Variants in NCAPD2 observed in about 807,000 individuals in gnomAD.
NCAPD2 encodes the protein non-SMC condensin I complex subunit D2.
Under a neutral mutation model 164.5 loss-of-function variants are expected in NCAPD2, and 100 were observed. That is an observed-to-expected ratio of 0.61 (90% CI 0.52 to 0.72). The LOEUF (loss-of-function observed/expected upper bound fraction) is 0.72, where lower values mean the gene tolerates loss of function less well. NCAPD2 is among the 30% of genes least tolerant of loss of function. The pLI, the probability that NCAPD2 is intolerant of heterozygous loss-of-function variation, is 0.00. For missense variants in NCAPD2, 1,560 were observed against 1,749.2 expected, an observed-to-expected ratio of 0.89 and a Z score of 1.93; for synonymous variants, 585 against 642.6, an observed-to-expected ratio of 0.91 and a Z score of 1.36.
rs539898238 is a variant in NCAPD2, at chr12:6,526,103, C to T, written c.2384C>T (p.Thr795Ile). 1.4e-5 allele frequency: 23 copies of T among 1,614,146 alleles called. No homozygotes were observed. In the East Asian group the frequency reaches 1.6e-4, roughly 11 times the overall value. ...KPEIVGSNLD[T>I]LVSIGLDEKF... Reference sequence around the variant, plus strand: ...GAAATTGTGGGAAGCAATTTAGACACACTGGTGAGCATAGGGCTGGATGAG... The same window carrying T: ...GAAATTGTGGGAAGCAATTTAGACATACTGGTGAGCATAGGGCTGGATGAG... The change falls in exon 19 of 32, where the codon ACA becomes ATA. Residue 795 changes from threonine to isoleucine, a missense_variant. Physicochemically the swap from Thr to Ile is moderately conservative, Grantham distance 89 (BLOSUM62 -1). Coordinates refer to ENST00000315579, the MANE Select transcript of NCAPD2 (RefSeq NM_014865.4).
At chr12:6,504,234 T>TATACACAC (rs1555137472) in intron 2 of NCAPD2, among the ~76,000 whole-genome samples, 1 of 108,236 alleles carries the variant, frequency 9.2e-6, no homozygotes, top group East Asian at 3.4e-4. Context: ...GATATATATA[T>TATACACAC]ATATATATAC....
chr12:6,529,502 C>T lies in NCAPD2; in HGVS notation c.3573-11C>T, dbSNP rs1358256497. On this transcript the variant is annotated splice_polypyrimidine_tract_variant and intron_variant, in intron 27 of 31. Transcript: ENST00000315579. Reference sequence around the variant, plus strand: ...TGGGCCATCGAACATCCTCATCTCCCCTTCCTGCAGACAGCTCCTCTCCTA... The same window carrying T: ...TGGGCCATCGAACATCCTCATCTCCTCTTCCTGCAGACAGCTCCTCTCCTA... 1 of 1,613,218 alleles carries T rather than the reference C, an allele frequency of 6.2e-7. No homozygotes were observed. The highest frequency in any genetic ancestry group is 8.5e-7 in the Non-Finnish European group (1 of 1,179,280).
In NCAPD2 at chr12:6,529,739, T is replaced by C. The variant is rs1301870627; in HGVS notation, c.3654-36T>C. 5 of 1,602,536 alleles carry C rather than the reference T, an allele frequency of 3.1e-6. No homozygotes were observed. In the East Asian group the frequency reaches 1.1e-4, roughly 36 times the overall value. ...GAAGGTTGAGCCTTTACTAGCTGGATCTCCCAGTTCCTCACAAAGCCCTTC... is the reference window on the plus strand; with the variant it reads ...GAAGGTTGAGCCTTTACTAGCTGGACCTCCCAGTTCCTCACAAAGCCCTTC... On this transcript the variant is annotated intron_variant, in intron 28 of 31. Transcript: ENST00000315579.
chr12:6,494,324 TAACA>T (rs1945955003), intron 1 of NCAPD2, among the ~76,000 whole-genome samples, 170 bp downstream of exon 1: 1 of 51,682 alleles, frequency 1.9e-5, no homozygotes, highest in Non-Finnish European at 3.9e-5. Context: ...GCAAATCGCT[TAACA>T]GATCCGCAAC....
At chr12:6,495,284 T>C in intron 2 of NCAPD2, 59 bp downstream of exon 2, 3 of 1,582,604 alleles carry the variant, frequency 1.9e-6, no homozygotes, top group Non-Finnish European at 2.6e-6. Context: ...TCACATGGAA[T>C]TGCTACATTG....
Position 6,526,461 on chromosome 12 carries a change from A to G in NCAPD2, c.2580A>G (p.Pro860=). 6.2e-7 allele frequency: 1 copy of G among 1,614,188 alleles called. No individual in the cohort carries two copies. The highest frequency in any genetic ancestry group is 8.5e-7 in the Non-Finnish European group (1 of 1,180,036). ...CCTCCTCTGCAGGCTTTGTCCACCC[A>G]GACCCACTCTGGATCCCATTCAAAG... ...RETVTKGFVH[P]DPLWIPFKEV... The change falls in exon 21 of 32, where the codon CCA becomes CCG. Residue 860 remains proline, a synonymous_variant. Coordinates refer to ENST00000315579, the MANE Select transcript of NCAPD2 (RefSeq NM_014865.4).
chr12:6,518,652 C>T (rs1398307778), intron 13 of NCAPD2, among the ~76,000 whole-genome samples: 2 of 150,654 alleles, frequency 1.3e-5, no homozygotes, highest in African/African-American at 4.9e-5. Flanking sequence ...TCCCAAGTAG[C>T]TGGGACCACA....
intron 9 of NCAPD2, among the ~76,000 whole-genome samples, chr12:6,516,049 A>G (rs541488684): frequency 3.3e-5 from 5 of 151,634 alleles, no homozygotes; most frequent in Non-Finnish European, 7.4e-5. Flanking sequence ...AAAAAAAATT[A>G]GCTGGGTGTG....
intron 6 of NCAPD2, 68 bp downstream of exon 6, chr12:6,511,320 G>A (rs1222935854): frequency 3.1e-5 from 48 of 1,525,550 alleles, no homozygotes; most frequent in Middle Eastern, 3.5e-4. Flanking sequence ...TAGATATGCC[G>A]TTTTTTTGGT....
At chr12:6,530,653 T>C in intron 29 of NCAPD2, 38 bp from the exon 30 acceptor site, 1 of 1,610,848 alleles carries the variant, frequency 6.2e-7, no homozygotes, top group Non-Finnish European at 8.5e-7. Flanking sequence ...GAAGTAACTG[T>C]TTTCAGGCCT....
intron 4 of NCAPD2, 59 bp downstream of exon 4, chr12:6,510,192 C>CTGTT (rs750802926): frequency 9.3e-6 from 14 of 1,503,714 alleles, no homozygotes; most frequent in Non-Finnish European, 1.3e-5. Flanking sequence ...GTTTGTTTGT[C>CTGTT]TGTTTGTTTG....
rs1291107687 is a variant in NCAPD2 at position 6,528,090 on chromosome 12, A to C, written c.3142A>C (p.Ser1048Arg). Reference sequence around the variant, plus strand: ...TGCCCTTGGCAAGTTCTGCATGATCAGGTAGGCCGTGGGGTTGGTACCCCC... The same window carrying C: ...TGCCCTTGGCAAGTTCTGCATGATCCGGTAGGCCGTGGGGTTGGTACCCCC... Reference protein sequence around the residue: ...SLALGKFCMISATFCDSQLRL... With the variant: ...SLALGKFCMIRATFCDSQLRL... Residue 1048 changes from serine to arginine, a missense_variant and splice_region_variant, in exon 24 of 32, where the codon AGT becomes CGT. Ser to Arg is a moderately radical substitution (Grantham distance 110, BLOSUM62 -1). Transcript: ENST00000315579. The surrounding 1 kb of genome is among the most constrained non-coding windows in gnomAD (Gnocchi z 5.1). 3 of 1,614,218 alleles carry C rather than the reference A, an allele frequency of 1.9e-6. No individual in the cohort carries two copies. The Admixed American group carries it at 5.0e-5, about 27-fold the overall frequency.
chr12:6,517,459 T>G lies in NCAPD2; in HGVS notation c.1280T>G (p.Leu427Arg). 2 of 1,614,270 alleles carry G rather than the reference T, an allele frequency of 1.2e-6. No homozygotes were observed. The highest frequency in any genetic ancestry group is 1.7e-6 in the Non-Finnish European group (2 of 1,180,050). ...SVLVCKNAIQ[L>R]LASFLANNPF... ...CTAGTATGTAAAAATGCCATCCAGC[T>G]GCTGGCCAGTTTTCTAGCCAATAAT... Residue 427 changes from leucine (L) to arginine (R), a missense_variant, in exon 11 of 32, where the codon CTG becomes CGG. By Grantham distance (102) the Leu-to-Arg change is moderately radical. Transcript: ENST00000315579.
intron 9 of NCAPD2, 114 bp downstream of exon 9, chr12:6,515,034 C>T: frequency 8.8e-7 from 1 of 1,135,210 alleles, no homozygotes; most frequent in South Asian, 1.5e-5. Context: ...CTAGATTTAT[C>T]ATTGTGACAT....
intron 2 of NCAPD2, among the ~76,000 whole-genome samples, chr12:6,504,216 T>TAC (rs1406807438): frequency 1.9e-3 from 45 of 23,214 alleles, no homozygotes; most frequent in African/African-American, 5.9e-3. Context: ...TATATATATA[T>TAC]AGATATAGAT....
At chr12:6,508,344 C>T (rs1365305946) in intron 2 of NCAPD2, among the ~76,000 whole-genome samples, 1 of 151,458 alleles carries the variant, frequency 6.6e-6, no homozygotes, top group Non-Finnish European at 1.5e-5. Flanking sequence ...TTGAAAAAAA[C>T]AAAAAAATGG....
At chr12:6,496,059 C>CT (rs11423649) in intron 2 of NCAPD2, among the ~76,000 whole-genome samples, 52,659 of 136,504 alleles carry the variant, frequency 0.39, 10,550 homozygotes, top group African/African-American at 0.47. Context: ...TTTTGTTTTT[C>CT]TTTTTTTTTT....
At position 6,514,598 on chromosome 12, in the gene NCAPD2, C is replaced by T; in HGVS notation, c.839+11C>T. Reference sequence around the variant, plus strand: ...GGGAGAGATTGTAAGGTGACTCTTCCTTCTCGAAGTTTCTCATGCTTATTT... The same window carrying T: ...GGGAGAGATTGTAAGGTGACTCTTCTTTCTCGAAGTTTCTCATGCTTATTT... On this transcript the variant is annotated intron_variant, in intron 8 of 31. Transcript: ENST00000315579. 6.2e-7 allele frequency: 1 copy of T among 1,614,080 alleles called. No individual in the cohort carries two copies. Among genetic ancestry groups the T allele is most frequent in the Non-Finnish European group, 8.5e-7 (1 of 1,179,972 alleles).
Position 6,514,937 on chromosome 12 carries a change from G to C in NCAPD2, c.987+17G>C. On this transcript the variant is annotated intron_variant, in intron 9 of 31. Coordinates refer to ENST00000315579, the MANE Select transcript of NCAPD2 (RefSeq NM_014865.4). ...GATGGAGAAGTAGGTGGTCCACTAGGGGTCACTGAGCTTTTTCTGGGGATT... is the reference window on the plus strand; with the variant it reads ...GATGGAGAAGTAGGTGGTCCACTAGCGGTCACTGAGCTTTTTCTGGGGATT... 6.2e-7 allele frequency: 1 copy of C among 1,613,696 alleles called. No homozygotes were observed. Among genetic ancestry groups the C allele is most frequent in the Non-Finnish European group, 8.5e-7 (1 of 1,179,782 alleles).
Sources: gnomAD v4.1 joint callset for allele counts (sites outside exome capture counted in the v4.1 genomes callset) on GRCh38, gnomAD v4.1.1 for gene constraint, Gnocchi (gnomAD v3.1) non-coding constraint, MANE v1.5 for transcripts, NCBI Gene and HGNC (gene_info 2026-07-23, HGNC 2026-07-21) for gene names.